TAF1B: variants seen among roughly 807,000 people sequenced by gnomAD.
The protein encoded by TAF1B is TATA-box binding protein associated factor, RNA polymerase I subunit B.
A neutral mutation model predicts 83.9 loss-of-function variants in TAF1B; 61 were observed. That is an observed-to-expected ratio of 0.73 (90% confidence interval 0.59 to 0.90). The LOEUF is 0.90. Among genes scored for constraint, TAF1B ranks in the 40% least tolerant of loss-of-function variants. TAF1B has a pLI of 0.00. For synonymous variants in TAF1B, 221 were observed against 224.6 expected, an observed-to-expected ratio of 0.98 and a Z score of 0.14; for missense variants, 625 against 677.0, an observed-to-expected ratio of 0.92 and a Z score of 0.85.
chr2:9,922,586 CT>C (rs1481167005), intron 14 of TAF1B, among the ~76,000 whole-genome samples: 1 of 152,136 alleles, frequency 6.6e-6, no homozygotes, highest in African/African-American at 2.4e-5. Context: ...TCTCTGTCCC[CT>C]GGCCTATTTC....
intron 7 of TAF1B, among the ~76,000 whole-genome samples, chr2:9,880,462 A>G (rs1389203166): frequency 6.9e-6 from 1 of 144,334 alleles, no homozygotes; most frequent in Non-Finnish European, 1.5e-5. Flanking sequence ...GGAAAAACAA[A>G]TACTTTTCTA....
Position 9,854,354 on chromosome 2 carries a change from G to A in TAF1B, c.332G>A (p.Arg111His), listed in dbSNP as rs754826734. Residue 111 changes from arginine (R) to histidine (H), a missense_variant, in exon 5 of 15, where the codon CGC (arginine) becomes CAC (histidine). By Grantham distance (29) the Arg-to-His change is conservative (BLOSUM62 0). Transcript: ENST00000263663. Reference sequence around the variant, plus strand: ...GATGTTTTACATAATTTTTGGAAGCGCTACCTTCAGAAGAGCAAGCAGGCA... The same window carrying A: ...GATGTTTTACATAATTTTTGGAAGCACTACCTTCAGAAGAGCAAGCAGGCA... ...KNDVLHNFWKRYLQKSKQAYC... is the reference protein window; with the variant it reads ...KNDVLHNFWKHYLQKSKQAYC... The A allele has an allele frequency of 3.7e-6, 6 of 1,613,954 alleles. No individual in the cohort carries two copies. The highest frequency in any genetic ancestry group is 3.3e-5 in the South Asian group (3 of 91,062).
intron 14 of TAF1B, among the ~76,000 whole-genome samples, chr2:9,930,285 A>C (rs1422457034): frequency 6.6e-6 from 1 of 152,022 alleles, no homozygotes; most frequent in Non-Finnish European, 1.5e-5. Flanking sequence ...TCGATTTTAG[A>C]TCTTTCCTGC....
intron 2 of TAF1B, among the ~76,000 whole-genome samples, chr2:9,846,740 T>C (rs6743866): frequency 0.062 from 9,456 of 152,334 alleles, 326 homozygotes; most frequent in African/African-American, 0.077. Flanking sequence ...TGTTTAGTCA[T>C]ACAGAATATT....
chr2:9,895,682 T>G (rs1172250571), intron 8 of TAF1B, among the ~76,000 whole-genome samples: 1 of 152,202 alleles, frequency 6.6e-6, no homozygotes. Flanking sequence ...TTTTATTCCT[T>G]GTTAATTCTC....
intron 14 of TAF1B, among the ~76,000 whole-genome samples, chr2:9,928,778 C>A (rs1381642997): frequency 6.6e-6 from 1 of 152,194 alleles, no homozygotes; most frequent in Non-Finnish European, 1.5e-5. Context: ...ATGGGGTTTT[C>A]TGAATATACA....
At chr2:9,875,767 T>C in intron 6 of TAF1B, 98 bp from the exon 7 acceptor site, 1 of 1,323,950 alleles carries the variant, frequency 7.6e-7, no homozygotes, top group East Asian at 2.4e-5. Flanking sequence ...AGCCAAACCA[T>C]GTCAATATTT....
intron 8 of TAF1B, among the ~76,000 whole-genome samples, chr2:9,899,347 T>C (rs1028180804): frequency 1.3e-5 from 2 of 152,256 alleles, no homozygotes; most frequent in Non-Finnish European, 2.9e-5. Flanking sequence ...TGTCAGAATT[T>C]CATTCCTTTT....
At chr2:9,856,931 T>A (rs1663584073) in intron 5 of TAF1B, among the ~76,000 whole-genome samples, 1 of 152,206 alleles carries the variant, frequency 6.6e-6, no homozygotes, top group African/African-American at 2.4e-5. Flanking sequence ...CATTAAATAT[T>A]TCCTTAGTGC....
At chr2:9,894,625 G>T (rs908577560) in intron 8 of TAF1B, among the ~76,000 whole-genome samples, 1 of 152,116 alleles carries the variant, frequency 6.6e-6, no homozygotes, top group African/African-American at 2.4e-5. Flanking sequence ...GCTAAGTGAA[G>T]CTGATAATTT....
At chr2:9,907,428 GA>G (rs1665379838) in intron 9 of TAF1B, among the ~76,000 whole-genome samples, 1 of 152,090 alleles carries the variant, frequency 6.6e-6, no homozygotes, top group Admixed American at 6.6e-5. Flanking sequence ...CTTTTACAAA[GA>G]GAGGGTTTAG....
chr2:9,844,028 C>T (rs1379016691), intron 1 of TAF1B, among the ~76,000 whole-genome samples: 1 of 152,262 alleles, frequency 6.6e-6, no homozygotes, highest in Non-Finnish European at 1.5e-5. Flanking sequence ...TTGGGAACTC[C>T]CCAAATTGTC....
At chr2:9,845,839 C>G (rs978566097) in intron 2 of TAF1B, 1 of 285,028 alleles carries the variant, frequency 3.5e-6, no homozygotes, top group Admixed American at 4.8e-5. Flanking sequence ...AACAATTAGC[C>G]AGGCGTGGTA....
At chr2:9,859,138 A>T (rs1280614124) in intron 5 of TAF1B, among the ~76,000 whole-genome samples, 7 of 152,254 alleles carry the variant, frequency 4.6e-5, no homozygotes, top group Admixed American at 4.6e-4. Flanking sequence ...GTGAACACAC[A>T]TGACTGAATG....
At chr2:9,882,912 C>A in intron 8 of TAF1B, 107 bp downstream of exon 8, 1 of 691,806 alleles carries the variant, frequency 1.4e-6, no homozygotes, top group Non-Finnish European at 2.4e-6. Context: ...TGTTTTATCC[C>A]AATATGGAAC....
intron 5 of TAF1B, among the ~76,000 whole-genome samples, chr2:9,861,526 C>T (rs1459959769): frequency 1.3e-5 from 2 of 152,234 alleles, no homozygotes; most frequent in African/African-American, 4.8e-5. Context: ...GGGAGCAGGG[C>T]ACAGACAAAC....
Position 9,910,611 on chromosome 2 carries a change from A to G in TAF1B, c.956-125A>G, listed in dbSNP as rs112233370. The G allele has an allele frequency of 7.5e-4, 547 of 730,018 alleles. 2 individuals are homozygous for G. Among genetic ancestry groups the G allele is most frequent in the Middle Eastern group, 7.4e-3 (21 of 2,840 alleles). The allele number at this position is 730,018 out of a possible 1,614,324, so 45.2% of individuals were successfully genotyped here. Reference sequence around the variant, plus strand: ...GATGCCATGTTTTGATGTTTTATTCACAAAATGTGGGTCTCTGAGTTCTTG... The same window carrying G: ...GATGCCATGTTTTGATGTTTTATTCGCAAAATGTGGGTCTCTGAGTTCTTG... On this transcript the variant is annotated intron_variant, in intron 9 of 14. Transcript: ENST00000263663.
chr2:9,906,154 A>C (rs4669490), intron 9 of TAF1B, among the ~76,000 whole-genome samples: 78,154 of 152,008 alleles, frequency 0.51, 23,102 homozygotes, highest in Non-Finnish European at 0.68. Context: ...TTATGGAAGG[A>C]ATACCAGGGA....
chr2:9,877,236 T>C (rs1664345968), intron 7 of TAF1B, among the ~76,000 whole-genome samples: 1 of 152,240 alleles, frequency 6.6e-6, no homozygotes, highest in Non-Finnish European at 1.5e-5. Flanking sequence ...GCCAGACCCA[T>C]AGATTCATAT....
Sources: allele counts gnomAD v4.1 joint callset (sites outside exome capture counted in the v4.1 genomes callset), GRCh38; gene constraint gnomAD v4.1.1; transcripts MANE v1.5; gene names NCBI Gene and HGNC (gene_info 2026-07-23, HGNC 2026-07-21).